Variants in PARP4 observed in about 807,000 individuals in gnomAD.
PARP4 encodes the protein poly(ADP-ribose) polymerase family member 4, also known as protein mono-ADP-ribosyltransferase PARP4.
Under a neutral mutation model 187.7 loss-of-function variants are expected in PARP4, and 120 were observed. That is an observed-to-expected ratio of 0.64 (90% CI 0.55 to 0.74). The LOEUF (loss-of-function observed/expected upper bound fraction) is 0.74, where lower values mean the gene tolerates loss of function less well. Ranked by LOEUF, PARP4 falls within the 30% of genes least tolerant of loss-of-function variation. The pLI is 0.00. For missense variants in PARP4, 1,836 were observed against 2,070.5 expected (o/e 0.89, Z 2.20); for synonymous variants, 654 against 740.9 (o/e 0.88, Z 1.90).
intron 11 of PARP4, among the ~76,000 whole-genome samples, chr13:24,485,092 T>C (rs1873483357): frequency 6.6e-6 from 1 of 152,240 alleles, no homozygotes; most frequent in South Asian, 2.1e-4. Context: ...ATTTAAATAT[T>C]TGCTCTGTCT....
intron 17 of PARP4, among the ~76,000 whole-genome samples, chr13:24,462,550 G>GA (rs1215454033): frequency 1.3e-5 from 2 of 151,912 alleles, no homozygotes; most frequent in African/African-American, 4.8e-5. Context: ...AAAAAGCAAG[G>GA]AAAAAATGAC....
In PARP4 at chr13:24,492,455, A is replaced by G. The variant is rs147633033; in HGVS notation, c.1019T>C (p.Leu340Pro). The G allele has an allele frequency of 4.3e-3, 6,998 of 1,613,998 alleles. 20 individuals carry two copies. Among genetic ancestry groups the G allele is most frequent in the Non-Finnish European group, 5.4e-3 (6,362 of 1,179,898 alleles). ...HKGTMPKEVN[L>P]GLLAKKADLC... ...GTCTGCTTTCTTAGCCAATAGTCCC[A>G]GGTTCACTTCTTTGGGCATTGTGCC... Residue 340 changes from leucine to proline, a missense_variant, in exon 9 of 34, where the codon CTG (leucine) becomes CCG (proline). By Grantham distance (98) the Leu-to-Pro change is moderately conservative. Coordinates refer to ENST00000381989, the MANE Select transcript of PARP4 (RefSeq NM_006437.4).
intron 12 of PARP4, among the ~76,000 whole-genome samples, chr13:24,482,694 A>G (rs993226533): frequency 2.0e-5 from 3 of 152,250 alleles, no homozygotes; most frequent in African/African-American, 7.2e-5. Context: ...ACACTTTAAT[A>G]GACTAGAGTG....
intron 12 of PARP4, among the ~76,000 whole-genome samples, chr13:24,483,236 C>T (rs1593636303): frequency 2.0e-5 from 3 of 151,660 alleles, no homozygotes; most frequent in East Asian, 3.9e-4. Flanking sequence ...CCTGTAATCC[C>T]AGCACTTTGG....
rs1555231629 is a variant in PARP4, at chr13:24,425,569, G to GTATC, written c.4979+896_4979+897insGATA. 4.1e-3 allele frequency among the ~76,000 whole-genome samples: 555 copies of GTATC among 136,824 alleles called. 6 individuals are homozygous for GTATC. Among genetic ancestry groups the GTATC allele is most frequent in the Non-Finnish European group, 5.3e-3 (340 of 64,020 alleles). The allele number at this position is 136,824 out of a possible 152,430, so 89.8% of individuals were successfully genotyped here. A position where few individuals can be genotyped will look rare whatever the true frequency, so the allele number is the denominator to read the frequency against. ...TGTGTGTGTGTGTGTGTGTGTGTGT[G>GTATC]TATATCTATATCTATATCTATATCT... On this transcript the variant is annotated intron_variant, in intron 33 of 33. Transcript: ENST00000381989.
chr13:24,503,503 C>T, intron 2 of PARP4, 142 bp downstream of exon 2: 1 of 967,978 alleles, frequency 1.0e-6, no homozygotes. Flanking sequence ...TCCCAATGGG[C>T]CATGTCAGTC....
At chr13:24,505,434 T>C (rs895758831) in intron 1 of PARP4, among the ~76,000 whole-genome samples, 2 of 152,176 alleles carry the variant, frequency 1.3e-5, no homozygotes, top group Non-Finnish European at 2.9e-5. Context: ...GTCATCATGG[T>C]GTTCCTTGGA....
chr13:24,459,029 C>T lies in PARP4; in HGVS notation c.2424+15G>A. The T allele has an allele frequency of 6.5e-7, 1 of 1,549,020 alleles. No individual in the cohort carries two copies. The highest frequency in any genetic ancestry group is 8.9e-7 in the Non-Finnish European group (1 of 1,122,948). ...GTTAAAATAACAGCTCTTAAGAAAT[C>T]AAAGATGCACTAACCTTTTGTTTCA... On this transcript the variant is annotated intron_variant, in intron 20 of 33. Transcript: ENST00000381989.
intron 27 of PARP4, among the ~76,000 whole-genome samples, chr13:24,444,995 C>A (rs1871137914): frequency 6.6e-6 from 1 of 152,178 alleles, no homozygotes; most frequent in Non-Finnish European, 1.5e-5. Context: ...TGCCAGACTT[C>A]ATCTGCATCA....
rs1216300092 is a variant in PARP4 at position 24,437,849 on chromosome 13, C to CAAAAAAAAAAAAAAAAAAA, written c.3667-2376_3667-2375insTTTTTTTTTTTTTTTTTTT. ...TGGGTGACAGAGTGAGACTCCATCT[C>CAAAAAAAAAAAAAAAAAAA]AAAAAAAAAAAAGAATCATACTGAG... On this transcript the variant is annotated intron_variant, in intron 30 of 33. Transcript: ENST00000381989. Among the ~76,000 whole-genome samples, 17 of 118,308 alleles carry CAAAAAAAAAAAAAAAAAAA rather than the reference C, an allele frequency of 1.4e-4. 1 individual carries two copies. The highest frequency in any genetic ancestry group is 2.5e-4 in the East Asian group (1 of 4,018). The allele number at this position is 118,308 out of a possible 152,430, so 77.6% of individuals were successfully genotyped here.
intron 7 of PARP4, among the ~76,000 whole-genome samples, 177 bp from the exon 8 acceptor site, chr13:24,493,910 A>C (rs567214071): frequency 9.9e-5 from 15 of 151,732 alleles, no homozygotes; most frequent in Non-Finnish European, 1.9e-4. Context: ...GTCTTCCTCC[A>C]TTCTCTCTTC....
At chr13:24,470,068 G>A in intron 15 of PARP4, 43 bp from the exon 16 acceptor site, 5 of 1,554,602 alleles carry the variant, frequency 3.2e-6, no homozygotes, top group Non-Finnish European at 4.4e-6. Flanking sequence ...AGACCACATG[G>A]ACTACATTTG....
chr13:24,434,157 C>G (rs2137440436), intron 31 of PARP4, among the ~76,000 whole-genome samples: 1 of 152,300 alleles, frequency 6.6e-6, no homozygotes, highest in South Asian at 2.1e-4. Flanking sequence ...AGGTTCTGGT[C>G]TAATGTTTGT....
chr13:24,424,407 C>T (rs1008280139), intron 33 of PARP4, among the ~76,000 whole-genome samples: 5 of 152,118 alleles, frequency 3.3e-5, no homozygotes, highest in Admixed American at 1.3e-4. Context: ...TATTTCCCCA[C>T]ATTCCAGACT....
At chr13:24,436,039 T>C (rs1870621909) in intron 30 of PARP4, among the ~76,000 whole-genome samples, 1 of 151,972 alleles carries the variant, frequency 6.6e-6, no homozygotes, top group Non-Finnish European at 1.5e-5. Flanking sequence ...ATATCAGCAA[T>C]CAATATATTG....
intron 17 of PARP4, among the ~76,000 whole-genome samples, chr13:24,463,458 T>C (rs1332180910): frequency 2.0e-5 from 3 of 152,088 alleles, no homozygotes; most frequent in Non-Finnish European, 4.4e-5. Flanking sequence ...ACGGTAAAAA[T>C]GTGAATAAAT....
At chr13:24,496,423 T>TA (rs1294762980) in intron 6 of PARP4, among the ~76,000 whole-genome samples, 1 of 152,186 alleles carries the variant, frequency 6.6e-6, no homozygotes, top group African/African-American at 2.4e-5. Flanking sequence ...CTCTCATTGA[T>TA]AAATTGCATT....
chr13:24,509,975 C>T (rs1869908049), intron 1 of PARP4, among the ~76,000 whole-genome samples: 1 of 152,180 alleles, frequency 6.6e-6, no homozygotes, highest in Admixed American at 6.5e-5. Context: ...GCTAGGATTA[C>T]AGGCATGAGC....
intron 1 of PARP4, among the ~76,000 whole-genome samples, chr13:24,506,719 C>G (rs1436458494): frequency 1.3e-5 from 2 of 152,204 alleles, no homozygotes; most frequent in Admixed American, 6.5e-5. Context: ...ATAAAGTTCT[C>G]CAAGTCCCCA....
Sources: allele counts gnomAD v4.1 joint callset (sites outside exome capture counted in the v4.1 genomes callset), GRCh38; gene constraint gnomAD v4.1.1; transcripts MANE v1.5; gene names NCBI Gene and HGNC (gene_info 2026-07-23, HGNC 2026-07-21).